RGS22: variants seen among roughly 807,000 people sequenced by gnomAD.
RGS22 encodes regulator of G-protein signaling 22.
Under a neutral mutation model 172.9 loss-of-function variants are expected in RGS22, and 148 were observed. The ratio of observed to expected loss-of-function variants is 0.86; its 90% confidence interval spans 0.75 to 0.98. RGS22 has a LOEUF of 0.98. Ranked by LOEUF, RGS22 falls within the 50% of genes least tolerant of loss-of-function variation. RGS22 has a pLI of 0.00. For missense variants in RGS22, 1,347 were observed against 1,440.8 expected, an observed-to-expected ratio of 0.93 and a Z score of 1.05; for synonymous variants, 458 against 480.2, an observed-to-expected ratio of 0.95 and a Z score of 0.60.
At chr8:100,022,651 G>T (rs1817723849) in intron 14 of RGS22, among the ~76,000 whole-genome samples, 1 of 151,790 alleles carries the variant, frequency 6.6e-6, no homozygotes, top group Admixed American at 6.6e-5. Context: ...ACAAAAGCAA[G>T]ATATACATTT....
At chr8:100,001,144 C>A (rs1003938415) in intron 18 of RGS22, among the ~76,000 whole-genome samples, 2 of 146,930 alleles carry the variant, frequency 1.4e-5, no homozygotes, top group African/African-American at 2.5e-5. Context: ...ATAAAAATTG[C>A]ATCATATTTC....
In RGS22 at chr8:100,034,602, T is replaced by C. The variant is rs186393340; in HGVS notation, c.2166+4329A>G. ...GCTACCAATGACTTTCTTCACAGAA[T>C]TGGAAAAAATTACTTTAAAGTGCAT... On this transcript the variant is annotated intron_variant, in intron 14 of 27. Transcript: ENST00000360863. 4.2e-4 allele frequency among the ~76,000 whole-genome samples: 64 copies of C among 152,274 alleles called. No individual in the cohort carries two copies. The East Asian group carries it at 0.011, about 25-fold the overall frequency.
chr8:99,972,771 C>T (rs750587186), intron 23 of RGS22, among the ~76,000 whole-genome samples: 1 of 152,090 alleles, frequency 6.6e-6, no homozygotes, highest in African/African-American at 2.4e-5. Context: ...TGGTGGCTCA[C>T]GCCTGTAATC....
intron 2 of RGS22, among the ~76,000 whole-genome samples, chr8:100,101,290 C>CT (rs112881114): frequency 2.8e-3 from 390 of 140,956 alleles, no homozygotes; most frequent in Middle Eastern, 7.0e-3. Flanking sequence ...TCCTAAATTT[C>CT]TTTTTTTTTT....
At chr8:100,100,975 A>G (rs1813424777) in intron 2 of RGS22, among the ~76,000 whole-genome samples, 1 of 152,186 alleles carries the variant, frequency 6.6e-6, no homozygotes, top group Admixed American at 6.5e-5. Context: ...TCAACAAAAT[A>G]GATCATTACA....
intron 12 of RGS22, among the ~76,000 whole-genome samples, chr8:100,040,911 G>A (rs1820030235): frequency 2.0e-5 from 3 of 151,798 alleles, no homozygotes; most frequent in Non-Finnish European, 4.4e-5. Context: ...ATTCTGAAGT[G>A]AGAATTTAAT....
At chr8:100,031,691 T>C (rs1818830020) in intron 14 of RGS22, among the ~76,000 whole-genome samples, 1 of 152,110 alleles carries the variant, frequency 6.6e-6, no homozygotes, top group South Asian at 2.1e-4. Flanking sequence ...GCACAATTTT[T>C]GTTAGGATAT....
At chr8:99,965,248 C>T (rs1485115123) in intron 24 of RGS22, 87 bp downstream of exon 24, 2 of 818,962 alleles carry the variant, frequency 2.4e-6, no homozygotes, top group African/African-American at 3.4e-5. Flanking sequence ...AAACACATTT[C>T]TAGTACTGTA....
intron 2 of RGS22, among the ~76,000 whole-genome samples, chr8:100,097,806 C>T (rs1465502472): frequency 1.3e-5 from 2 of 152,218 alleles, no homozygotes; most frequent in African/African-American, 2.4e-5. Flanking sequence ...TGCCAAACCT[C>T]ATCTTTCCTA....
At position 99,962,962 on chromosome 8, in the gene RGS22, G is replaced by C; in HGVS notation, c.3632C>G (p.Ser1211Ter). The change falls in exon 25 of 28, where the codon TCA becomes TGA. Residue 1211 changes from serine to a stop codon, truncating the protein, a stop_gained. Coordinates refer to ENST00000360863, the MANE Select transcript of RGS22 (RefSeq NM_015668.5). LOFTEE classifies it high-confidence loss of function. ...CTGTTCTAAGGCTTCTATATACTTTGAGTAGCACCAGGTTGGCTAAAAAAA... is the reference window on the plus strand; with the variant it reads ...CTGTTCTAAGGCTTCTATATACTTTCAGTAGCACCAGGTTGGCTAAAAAAA... The part of the protein sequence containing the change: ...PYGRQPTWCY[S>*]KYIEALEQER... The C allele has an allele frequency of 6.3e-7, 1 of 1,580,038 alleles. No homozygotes were observed. Among genetic ancestry groups the C allele is most frequent in the East Asian group, 2.3e-5 (1 of 44,170 alleles).
Position 100,008,480 on chromosome 8 carries a change from C to G in RGS22, c.2256G>C (p.Gln752His). ...EKKKEIYMKI[Q>H]PPFEDLFDTA... ...TGTCAAAAAGGTCTTCAAATGGTGG[C>G]TGTATTTTCATATAAATTTCTTTTT... is the stretch of plus-strand genomic sequence containing the variant. Residue 752 changes from glutamine (Q) to histidine (H), a missense_variant, in exon 15 of 28, where the codon CAG becomes CAC. Physicochemically the swap from Gln to His is conservative, Grantham distance 24. Coordinates refer to ENST00000360863, the MANE Select transcript of RGS22 (RefSeq NM_015668.5). The G allele has an allele frequency of 6.2e-7, 1 of 1,613,386 alleles. No individual in the cohort carries two copies. The highest frequency in any genetic ancestry group is 2.2e-5 in the East Asian group (1 of 44,866).
intron 3 of RGS22, among the ~76,000 whole-genome samples, chr8:100,083,537 T>A (rs996502023): frequency 6.6e-6 from 1 of 152,034 alleles, no homozygotes; most frequent in South Asian, 2.1e-4. Flanking sequence ...CAAGCTAATT[T>A]TTGTATTTTT....
In RGS22 at chr8:99,987,449, A is replaced by G. The variant is rs373414660; in HGVS notation, c.3180+9T>C. On this transcript the variant is annotated intron_variant, in intron 21 of 27. Coordinates refer to ENST00000360863, the MANE Select transcript of RGS22 (RefSeq NM_015668.5). ...AACAGGTGGTTTTCTCTAGCTCCCA[A>G]TACAATACCTTATATTTTTGTACTT... 2.5e-5 allele frequency: 40 copies of G among 1,594,160 alleles called. No homozygotes were observed. In the Admixed American group the frequency reaches 4.6e-4, roughly 18 times the overall value.
rs753349601 is a variant in RGS22 at position 100,038,905 on chromosome 8, T to A, written c.2166+26A>T. On this transcript the variant is annotated intron_variant, in intron 14 of 27. Coordinates refer to ENST00000360863, the MANE Select transcript of RGS22 (RefSeq NM_015668.5). ...TTCTCTGTGTACTTAGTGCTTCACA[T>A]TGAACCAATATTATTTACTACGTAC... The A allele has an allele frequency of 5.5e-6, 8 of 1,458,584 alleles. No individual in the cohort carries two copies. The South Asian group carries it at 7.2e-5, about 13-fold the overall frequency. The allele number at this position is 1,458,584 out of a possible 1,614,324, so 90.4% of individuals were successfully genotyped here. A position where few individuals can be genotyped will look rare whatever the true frequency, so the allele number is the denominator to read the frequency against.
At chr8:100,081,909 C>CTT (rs201340859) in intron 3 of RGS22, among the ~76,000 whole-genome samples, 26 of 125,378 alleles carry the variant, frequency 2.1e-4, no homozygotes, top group African/African-American at 3.9e-4. Context: ...TATTGTTTTC[C>CTT]TTTTTTTTTT....
intron 14 of RGS22, among the ~76,000 whole-genome samples, chr8:100,026,111 C>T (rs1053362384): frequency 6.6e-6 from 1 of 152,160 alleles, no homozygotes; most frequent in African/African-American, 2.4e-5. Flanking sequence ...AGTCTAACTG[C>T]TATTCAGTTT....
chr8:100,042,630 A>G (rs1324398487), intron 11 of RGS22: 1 of 152,188 alleles, frequency 6.6e-6, no homozygotes, highest in Non-Finnish European at 1.5e-5. Context: ...CAATTATTCT[A>G]AAGCCTTATT....
chr8:99,966,931 G>A (rs1220523686), intron 23 of RGS22, among the ~76,000 whole-genome samples: 1 of 152,088 alleles, frequency 6.6e-6, no homozygotes, highest in African/African-American at 2.4e-5. Context: ...TACCTCATCT[G>A]GCAAGATGGC....
At chr8:100,066,338 G>A (rs1810534344) in intron 6 of RGS22, 42 bp from the exon 7 acceptor site, 1 of 1,533,418 alleles carries the variant, frequency 6.5e-7, no homozygotes, top group Non-Finnish European at 9.0e-7. Flanking sequence ...ATGATTAGCA[G>A]TATTACTCTG....
Sources: allele counts gnomAD v4.1 joint callset (sites outside exome capture counted in the v4.1 genomes callset), GRCh38; gene constraint gnomAD v4.1.1; transcripts MANE v1.5; gene names NCBI Gene and HGNC (gene_info 2026-07-23, HGNC 2026-07-21).